The following NCOA7 variants were observed in gnomAD, a reference collection of about 807,000 sequenced individuals.
NCOA7 encodes 140 kDa estrogen receptor-associated protein.
In NCOA7, 45 loss-of-function variants were observed where a neutral mutation model predicts 104.3. That is an observed-to-expected ratio of 0.43 (90% CI 0.34 to 0.55). The LOEUF (loss-of-function observed/expected upper bound fraction) is 0.55. NCOA7 is among the 20% of genes least tolerant of loss of function. The pLI is 0.02. For missense variants in NCOA7, 1,041 were observed against 1,119.7 expected (o/e 0.93, Z 1.00); for synonymous variants, 398 against 402.3 (o/e 0.99, Z 0.13).
At chr6:125,882,034 A>G (rs905213317) in intron 6 of NCOA7, among the ~76,000 whole-genome samples, 1 of 152,084 alleles carries the variant, frequency 6.6e-6, no homozygotes, top group African/African-American at 2.4e-5. Context: ...TTGTATTTTT[A>G]CTGGAGACAG....
At chr6:125,887,988 G>C (rs1302943423) in intron 8 of NCOA7, among the ~76,000 whole-genome samples, 1 of 152,024 alleles carries the variant, frequency 6.6e-6, no homozygotes, top group Non-Finnish European at 1.5e-5. Context: ...TGTTACATAG[G>C]TGCATGCCAT....
chr6:125,802,727 TC>T (rs956324284), intron 1 of NCOA7, among the ~76,000 whole-genome samples: 4 of 152,246 alleles, frequency 2.6e-5, no homozygotes, highest in Non-Finnish European at 5.9e-5. Flanking sequence ...AAAGCCATTT[TC>T]TTTTGAATTC....
chr6:125,899,229 AC>A (rs1034255738), intron 10 of NCOA7, among the ~76,000 whole-genome samples: 1 of 152,224 alleles, frequency 6.6e-6, no homozygotes, highest in Non-Finnish European at 1.5e-5. Flanking sequence ...TCTTAACAGC[AC>A]CTTTTCTTAG....
chr6:125,886,160 A>G (rs72969785), intron 8 of NCOA7, among the ~76,000 whole-genome samples: 1,469 of 132,100 alleles, frequency 0.011, 7 homozygotes, highest in Middle Eastern at 0.019. Context: ...CTTGGGGCTT[A>G]TATGAAAAAA....
At chr6:125,834,610 A>G (rs1224532034) in intron 2 of NCOA7, among the ~76,000 whole-genome samples, 1 of 152,204 alleles carries the variant, frequency 6.6e-6, no homozygotes, top group Non-Finnish European at 1.5e-5. Context: ...TAGCAGACCA[A>G]TGATATCTCA....
At chr6:125,898,019 G>T (rs911616984) in intron 10 of NCOA7, among the ~76,000 whole-genome samples, 3 of 152,186 alleles carry the variant, frequency 2.0e-5, no homozygotes, top group African/African-American at 7.2e-5. Flanking sequence ...TACATACTAA[G>T]ACCATGTAGT....
chr6:125,920,888 G>A (rs936277194), intron 11 of NCOA7, 55 bp from the exon 12 acceptor site: 5 of 1,588,898 alleles, frequency 3.1e-6, no homozygotes, highest in African/African-American at 1.3e-5. Flanking sequence ...TTTTAAATTA[G>A]CAGTTAGAAG....
intron 2 of NCOA7, among the ~76,000 whole-genome samples, chr6:125,844,807 T>C (rs1445482590): frequency 6.6e-6 from 1 of 152,216 alleles, no homozygotes; most frequent in African/African-American, 2.4e-5. Flanking sequence ...TTGTGCTTTA[T>C]ATGTTCTCTC....
chr6:125,822,601 C>T (rs1459476198), intron 2 of NCOA7, among the ~76,000 whole-genome samples: 1 of 152,132 alleles, frequency 6.6e-6, no homozygotes, highest in Non-Finnish European at 1.5e-5. Flanking sequence ...TTACATTGCA[C>T]TAAGTATTAG....
intron 2 of NCOA7, among the ~76,000 whole-genome samples, chr6:125,831,269 A>G (rs529494395): frequency 3.5e-4 from 54 of 152,258 alleles, no homozygotes; most frequent in South Asian, 6.2e-4. Context: ...TGGCCCATCA[A>G]TATGCCAAAT....
At chr6:125,899,302 C>G (rs542396352) in intron 10 of NCOA7, among the ~76,000 whole-genome samples, 1 of 152,148 alleles carries the variant, frequency 6.6e-6, no homozygotes, top group African/African-American at 2.4e-5. Context: ...AAATCTTTAA[C>G]CATAGTTAAT....
intron 2 of NCOA7, among the ~76,000 whole-genome samples, chr6:125,831,911 A>G (rs185014166): frequency 5.3e-5 from 8 of 152,224 alleles, no homozygotes; most frequent in East Asian, 3.9e-4. Flanking sequence ...GCCATCCCCT[A>G]TATGCCTGCC....
rs1334546292 is a variant in NCOA7 at position 125,928,621 on chromosome 6, T to C, written c.2694-15T>C. ...GAAGTGTTTTTACCTTTTTTTTTTT[T>C]TTTAACCTTTTCAGGGGACGATTTG... On this transcript the variant is annotated splice_polypyrimidine_tract_variant and intron_variant, in intron 15 of 15. Coordinates refer to ENST00000392477, the MANE Select transcript of NCOA7 (RefSeq NM_181782.5). 1 of 1,588,438 alleles carries C rather than the reference T, an allele frequency of 6.3e-7. No homozygotes were observed. Among genetic ancestry groups the C allele is most frequent in the African/African-American group, 1.4e-5 (1 of 72,824 alleles).
intron 1 of NCOA7, among the ~76,000 whole-genome samples, chr6:125,804,307 A>C (rs1341884655): frequency 6.6e-6 from 1 of 152,194 alleles, no homozygotes; most frequent in Non-Finnish European, 1.5e-5. Context: ...TTGGAGCCTA[A>C]TGTCTTTAGA....
At chr6:125,789,026 G>A (rs572058001), upstream of NCOA7, among the ~76,000 whole-genome samples, 21 of 152,252 alleles carry the variant, frequency 1.4e-4, no homozygotes, top group East Asian at 7.7e-4. Context: ...TAAGTCAATG[G>A]ACACTTCCTT....
rs539505473 is a variant in NCOA7 at position 125,869,544 on chromosome 6, G to C, written c.272-5345G>C. On this transcript the variant is annotated intron_variant, in intron 3 of 15. Transcript: ENST00000392477. The stretch of plus-strand genomic sequence containing the variant: ...GAACCAAGGCTATAGATGAAATTGA[G>C]GTTGCTAATCAGCTGACCTTAAGGA... Among the ~76,000 whole-genome samples the C allele has an allele frequency of 1.1e-3, 175 of 152,334 alleles. 1 individual carries two copies. Among genetic ancestry groups the C allele is most frequent in the South Asian group, 7.9e-3 (38 of 4,834 alleles).
chr6:125,885,189 C>T lies in NCOA7; in HGVS notation c.730C>T (p.Pro244Ser). The T allele has an allele frequency of 2.5e-6, 4 of 1,613,938 alleles. No individual in the cohort carries two copies. Among genetic ancestry groups the T allele is most frequent in the Non-Finnish European group, 3.4e-6 (4 of 1,179,910 alleles). Reference sequence around the variant, plus strand: ...GGTTGGCGGTGTTATGATAGTGACTCCTAACAACATCATGTTTGACCCTCA... The same window carrying T: ...GGTTGGCGGTGTTATGATAGTGACTTCTAACAACATCATGTTTGACCCTCA... ...GVVGGVMIVT[P>S]NNIMFDPHKS... is the part of the protein sequence containing the mutation. Residue 244 changes from proline (P) to serine (S), a missense_variant, in exon 8 of 16, where the codon CCT (proline) becomes TCT (serine). Pro to Ser is a moderately conservative substitution (Grantham distance 74). Around this residue, in one of 2 missense-constraint regions of NCOA7, gnomAD observed 914 missense variants for 942.7 expected, o/e 0.97. Transcript: ENST00000392477.
At chr6:125,855,577 A>G (rs1173198376) in intron 3 of NCOA7, 1 of 161,522 alleles carries the variant, frequency 6.2e-6, no homozygotes, top group Admixed American at 6.4e-5. Context: ...AAATGCCTGT[A>G]CTTTTTGGCA....
At chr6:125,828,249 G>T (rs1778831807) in intron 2 of NCOA7, among the ~76,000 whole-genome samples, 1 of 152,230 alleles carries the variant, frequency 6.6e-6, no homozygotes, top group South Asian at 2.1e-4. Flanking sequence ...AATCACTGCA[G>T]CTGAGAGAAG....
Sources: gnomAD v4.1 joint callset for allele counts (sites outside exome capture counted in the v4.1 genomes callset) on GRCh38, gnomAD v4.1.1 for gene constraint, gnomAD v4.1.1 regional missense constraint, MANE v1.5 for transcripts, NCBI Gene and HGNC (gene_info 2026-07-23, HGNC 2026-07-21) for gene names.